Variants in VTCN1 observed in about 807,000 individuals in gnomAD.
VTCN1 encodes the protein V-set domain containing T cell activation inhibitor 1.
In VTCN1, 26 loss-of-function variants were observed where a neutral mutation model predicts 26.5. The ratio of observed to expected loss-of-function variants is 0.98; its 90% CI spans 0.72 to 1.36. The LOEUF (loss-of-function observed/expected upper bound fraction) is 1.36. Among genes scored for constraint, VTCN1 ranks in the 40% most tolerant of loss-of-function variants. The pLI is 0.00. For missense variants in VTCN1, 298 were observed against 337.7 expected, an observed-to-expected ratio of 0.88 and a Z score of 0.92; for synonymous variants, 116 against 130.7, an observed-to-expected ratio of 0.89 and a Z score of 0.77.
chr1:117,164,814 CT>C lies in VTCN1; in HGVS notation c.97+5292del, dbSNP rs775016479. 4.6e-5 allele frequency among the ~76,000 whole-genome samples: 7 copies of C among 152,346 alleles called. No individual in the cohort carries two copies. In the East Asian group the frequency reaches 7.7e-4, roughly 17 times the overall value. On this transcript the variant is annotated intron_variant, in intron 2 of 5. Transcript: ENST00000369458. ...GTTAGGGGCCTTTCCATCACGTCTC[CT>C]TCCTTCTCGAAGGCTTATCCACAAG...
rs142365107 is a variant in VTCN1, at chr1:117,155,442, A to C, written c.445+1132T>G. On this transcript the variant is annotated intron_variant, in intron 3 of 5. Transcript: ENST00000369458. The surrounding 1 kb of genome is among the most constrained non-coding windows in gnomAD (Gnocchi z 4.8). ...TTCATCTGTAAGGGGAATTTGTTTC[A>C]TATCCCTCATTTATTTAAATAAGTA... Among the ~76,000 whole-genome samples the C allele has an allele frequency of 7.1e-3, 1,074 of 152,276 alleles. 14 individuals are homozygous for C. The highest frequency in any genetic ancestry group is 0.024 in the African/African-American group (978 of 41,548).
Position 117,147,482 on chromosome 1 carries a change from G to T in VTCN1, c.*45+131C>A. The T allele has an allele frequency of 1.4e-6, 1 of 716,596 alleles. No individual in the cohort carries two copies. The highest frequency in any genetic ancestry group is 2.2e-6 in the Non-Finnish European group (1 of 464,230). The allele number at this position is 716,596 out of a possible 1,614,324, so 44.4% of individuals were successfully genotyped here. The stretch of plus-strand genomic sequence containing the variant: ...AATGATTACCTTTCCCAGTACTAGT[G>T]GAAATAATGTCACAGCCCTGGTGTC... On this transcript the variant is annotated intron_variant, in intron 5 of 5. Coordinates refer to ENST00000369458, the MANE Select transcript of VTCN1 (RefSeq NM_024626.4). This position sits in a 1 kb window ranked among gnomAD's most constrained non-coding sequence, Gnocchi z 4.6.
intron 1 of VTCN1, chr1:117,173,269 GTAGT>G (rs1653022582): frequency 1.4e-6 from 1 of 691,892 alleles, no homozygotes; most frequent in Admixed American, 2.1e-5. Flanking sequence ...AATTGCAGAT[GTAGT>G]TAGTTAAGGT....
chr1:117,151,204 T>TC (rs1651772647), intron 4 of VTCN1, among the ~76,000 whole-genome samples: 1 of 151,708 alleles, frequency 6.6e-6, no homozygotes, highest in African/African-American at 2.4e-5. Context: ...ACAGTTCTTT[T>TC]TTTTTTTTTT....
intron 1 of VTCN1, among the ~76,000 whole-genome samples, chr1:117,179,632 C>G (rs757825146): frequency 2.0e-5 from 3 of 152,142 alleles, no homozygotes; most frequent in Non-Finnish European, 4.4e-5. Context: ...TTTCTAGTAC[C>G]AGATAAAGCT....
At position 117,145,795 on chromosome 1, in the gene VTCN1, C is replaced by T. The variant is rs979260148; in HGVS notation, c.*46-570G>A. Reference sequence around the variant, plus strand: ...ACCACAGGTGGACCTCCACACCTGGCTAATTTTTAAATTTTTTTGTAGAGA... The same window carrying T: ...ACCACAGGTGGACCTCCACACCTGGTTAATTTTTAAATTTTTTTGTAGAGA... On this transcript the variant is annotated intron_variant, in intron 5 of 5. Coordinates refer to ENST00000369458, the MANE Select transcript of VTCN1 (RefSeq NM_024626.4). This position sits in a 1 kb window ranked among gnomAD's most constrained non-coding sequence, Gnocchi z 4.6. Among the ~76,000 whole-genome samples, 3 of 151,996 alleles carry T rather than the reference C, an allele frequency of 2.0e-5. No homozygotes were observed. The highest frequency in any genetic ancestry group is 3.9e-4 in the East Asian group (2 of 5,192).
chr1:117,210,895 G>A lies in VTCN1; in HGVS notation c.-40C>T, dbSNP rs1226439954. ...CCCAGCGTATCTGGGTACTGGCTGA[G>A]TGGAGCTGCCGCTGCCTTCCTTGGT... On this transcript the variant is annotated 5_prime_UTR_variant, in exon 1 of 6. Coordinates refer to ENST00000369458, the MANE Select transcript of VTCN1 (RefSeq NM_024626.4). The A allele has an allele frequency of 6.2e-7, 1 of 1,611,686 alleles. No homozygotes were observed. The highest frequency in any genetic ancestry group is 1.1e-5 in the South Asian group (1 of 91,030).
rs542561432 is a variant in VTCN1 at position 117,175,857 on chromosome 1, G to A, written c.33-5686C>T. Among the ~76,000 whole-genome samples the A allele has an allele frequency of 1.4e-5, 2 of 147,454 alleles. No homozygotes were observed. The highest frequency in any genetic ancestry group is 3.0e-5 in the Non-Finnish European group (2 of 67,586). On this transcript the variant is annotated intron_variant, in intron 1 of 5. Transcript: ENST00000369458. This position sits in a 1 kb window ranked among gnomAD's most constrained non-coding sequence, Gnocchi z 4.2. ...ATGATCTCAGTTCACTGCAACCTCCGCCTCCCAGGTTCAAGCGATTCTCCC... is the reference window on the plus strand; with the variant it reads ...ATGATCTCAGTTCACTGCAACCTCCACCTCCCAGGTTCAAGCGATTCTCCC...
At position 117,178,202 on chromosome 1, in the gene VTCN1, G is replaced by T. The variant is rs190843445; in HGVS notation, c.33-8031C>A. Among the ~76,000 whole-genome samples, 794 of 151,432 alleles carry T rather than the reference G, an allele frequency of 5.2e-3. 9 individuals carry two copies. Among genetic ancestry groups the T allele is most frequent in the African/African-American group, 0.019 (766 of 41,242 alleles). ...GATCCTCCCATTTTGGTCTCCAAAA[G>T]TGTGGGGATTACAGGCACACCTGGC... On this transcript the variant is annotated intron_variant, in intron 1 of 5. Coordinates refer to ENST00000369458, the MANE Select transcript of VTCN1 (RefSeq NM_024626.4).
At chr1:117,172,864 G>A (rs59637383) in intron 1 of VTCN1, among the ~76,000 whole-genome samples, 8,724 of 152,086 alleles carry the variant, frequency 0.057, 626 homozygotes, top group African/African-American at 0.17. Context: ...GTAAACGCAC[G>A]GATCAGCACT....
chr1:117,150,752 T>G (rs1042965648), intron 4 of VTCN1, among the ~76,000 whole-genome samples: 9 of 152,298 alleles, frequency 5.9e-5, no homozygotes, highest in Admixed American at 2.6e-4. Flanking sequence ...AACTCTATAC[T>G]CATTAAACAA....
chr1:117,173,250 T>G (rs894905264), intron 1 of VTCN1: 7 of 705,162 alleles, frequency 9.9e-6, no homozygotes, highest in Non-Finnish European at 1.9e-5. Context: ...AGGAATAAAT[T>G]CCGGACACAA....
intron 1 of VTCN1, among the ~76,000 whole-genome samples, chr1:117,208,278 G>A (rs1649198731): frequency 6.6e-6 from 1 of 152,118 alleles, no homozygotes; most frequent in African/African-American, 2.4e-5. Context: ...ATTTAATTCT[G>A]TTTCCTCTAC....
At chr1:117,149,161 A>T (rs1651665057) in intron 4 of VTCN1, among the ~76,000 whole-genome samples, 1 of 152,050 alleles carries the variant, frequency 6.6e-6, no homozygotes, top group Non-Finnish European at 1.5e-5. Flanking sequence ...TTCTCCCCAA[A>T]ACCTATCACA....
chr1:117,196,216 C>A (rs1648498406), intron 1 of VTCN1, among the ~76,000 whole-genome samples: 1 of 151,788 alleles, frequency 6.6e-6, no homozygotes, highest in African/African-American at 2.4e-5. Context: ...AATTAAATGT[C>A]CAACAATAGG....
rs917633152 is a variant in VTCN1 at position 117,169,745 on chromosome 1, T to G, written c.97+362A>C. 2.0e-5 allele frequency among the ~76,000 whole-genome samples: 3 copies of G among 151,976 alleles called. No individual in the cohort carries two copies. The highest frequency in any genetic ancestry group is 7.3e-5 in the African/African-American group (3 of 41,376). On this transcript the variant is annotated intron_variant, in intron 2 of 5. Transcript: ENST00000369458. This position sits in a 1 kb window ranked among gnomAD's most constrained non-coding sequence, Gnocchi z 4.0. The stretch of plus-strand genomic sequence containing the variant: ...CCATCTCTACTAAAAATAAAAAAAT[T>G]AGCCTGGCATGGTGGTGCACATGCC...
At chr1:117,182,456 C>A (rs151003065) in intron 1 of VTCN1, among the ~76,000 whole-genome samples, 5 of 152,166 alleles carry the variant, frequency 3.3e-5, no homozygotes, top group African/African-American at 1.2e-4. Flanking sequence ...GCTGCCAGAC[C>A]CACCCCTTGA....
rs899129151 is a variant in VTCN1 at position 117,183,264 on chromosome 1, A to C, written c.33-13093T>G. Among the ~76,000 whole-genome samples the C allele has an allele frequency of 1.3e-5, 2 of 152,196 alleles. No homozygotes were observed. Among genetic ancestry groups the C allele is most frequent in the African/African-American group, 4.8e-5 (2 of 41,452 alleles). ...CTATTATTTTTCAAGTTCTTGGAACATGCAAGGAACTTACCAAATGCTTGT... is the reference window on the plus strand; with the variant it reads ...CTATTATTTTTCAAGTTCTTGGAACCTGCAAGGAACTTACCAAATGCTTGT... On this transcript the variant is annotated intron_variant, in intron 1 of 5. Coordinates refer to ENST00000369458, the MANE Select transcript of VTCN1 (RefSeq NM_024626.4). The surrounding 1 kb of genome is among the most constrained non-coding windows in gnomAD (Gnocchi z 4.1).
chr1:117,199,446 C>T (rs10923222), intron 1 of VTCN1, among the ~76,000 whole-genome samples: 108,114 of 151,844 alleles, frequency 0.71, 40,648 homozygotes, highest in East Asian at 0.86. Flanking sequence ...CTGCCTCAGC[C>T]TCCCGAGTAG....
Sources: gnomAD v4.1 joint callset for allele counts (sites outside exome capture counted in the v4.1 genomes callset) on GRCh38, gnomAD v4.1.1 for gene constraint, Gnocchi (gnomAD v3.1) non-coding constraint, MANE v1.5 for transcripts, NCBI Gene and HGNC (gene_info 2026-07-23, HGNC 2026-07-21) for gene names.